SDK1: variants seen among roughly 807,000 people sequenced by gnomAD.
The protein encoded by SDK1 is protein sidekick-1.
Under a neutral mutation model 245.5 loss-of-function variants are expected in SDK1, and 157 were observed. The observed-to-expected ratio is 0.64, with a 90% CI of 0.56 to 0.73. The LOEUF is 0.73. Ranked by LOEUF, SDK1 falls within the 30% of genes least tolerant of loss-of-function variation. The pLI, the probability that SDK1 is intolerant of heterozygous loss-of-function variation, is 0.00. For synonymous variants in SDK1, 1,647 were observed against 1,278.5 expected (o/e 1.29, Z -6.15); for missense variants, 3,583 against 3,002.3 (o/e 1.19, Z -4.52).
intron 1 of SDK1, among the ~76,000 whole-genome samples, chr7:3,461,370 C>T (rs1324114921): frequency 6.6e-6 from 1 of 152,166 alleles, no homozygotes; most frequent in Admixed American, 6.6e-5. Context: ...AACCGTAACT[C>T]TGAGTGGTAT....
At chr7:4,072,093 A>G (rs1780291255) in intron 20 of SDK1, among the ~76,000 whole-genome samples, 1 of 152,238 alleles carries the variant, frequency 6.6e-6, no homozygotes, top group African/African-American at 2.4e-5. Context: ...TTCACCAGCT[A>G]ATGGGGCTTC....
At chr7:3,956,455 TG>T (rs1399276578) in intron 7 of SDK1, among the ~76,000 whole-genome samples, 2 of 152,080 alleles carry the variant, frequency 1.3e-5, no homozygotes, top group Non-Finnish European at 2.9e-5. Context: ...CCTCACACGG[TG>T]GGGAAGTACT....
At chr7:3,959,507 C>G (rs976300601) in intron 8 of SDK1, among the ~76,000 whole-genome samples, 3 of 152,216 alleles carry the variant, frequency 2.0e-5, no homozygotes, top group Non-Finnish European at 4.4e-5. Flanking sequence ...GAAGCCAAAG[C>G]TGGGAGTGCG....
At chr7:4,118,355 C>G (rs1374461937) in intron 25 of SDK1, among the ~76,000 whole-genome samples, 1 of 152,138 alleles carries the variant, frequency 6.6e-6, no homozygotes, top group Non-Finnish European at 1.5e-5. Flanking sequence ...TAGGGAAATG[C>G]AAATCTAAGC....
intron 17 of SDK1, among the ~76,000 whole-genome samples, chr7:4,034,912 C>A (rs918772250): frequency 5.3e-5 from 8 of 152,188 alleles, no homozygotes; most frequent in African/African-American, 1.9e-4. Context: ...AATCAGCATT[C>A]TCTGAATATA....
intron 5 of SDK1, among the ~76,000 whole-genome samples, chr7:3,895,899 T>A (rs1450924655): frequency 6.6e-6 from 1 of 152,212 alleles, no homozygotes; most frequent in African/African-American, 2.4e-5. Flanking sequence ...TCCAGATAAC[T>A]TTCTGTTACT....
chr7:3,690,254 C>G (rs1437591415), intron 4 of SDK1, among the ~76,000 whole-genome samples: 2 of 152,130 alleles, frequency 1.3e-5, no homozygotes, highest in African/African-American at 4.8e-5. Context: ...ACGATTAGCA[C>G]AAATCCAGAA....
intron 5 of SDK1, among the ~76,000 whole-genome samples, chr7:3,852,096 A>G (rs1049116879): frequency 6.6e-6 from 1 of 151,860 alleles, no homozygotes; most frequent in Non-Finnish European, 1.5e-5. Flanking sequence ...CTTTGTTGAC[A>G]GTCAAATTAG....
At position 3,821,674 on chromosome 7, in the gene SDK1, A is replaced by AT. The variant is rs1268201212; in HGVS notation, c.847+95dup. 12 of 1,415,674 alleles carry AT rather than the reference A, an allele frequency of 8.5e-6. No homozygotes were observed. In the African/African-American group the frequency reaches 1.7e-4, roughly 20 times the overall value. The allele number at this position is 1,415,674 out of a possible 1,614,324, so 87.7% of individuals were successfully genotyped here. A position where few individuals can be genotyped will look rare whatever the true frequency, so the allele number is the denominator to read the frequency against. ...TGTCTGACAGGACATTTTGCAATAAATTTTCTCTCTCTAGTGTAGTAGTTA... is the reference window on the plus strand; with the variant it reads ...TGTCTGACAGGACATTTTGCAATAAATTTTTCTCTCTCTAGTGTAGTAGTTA... On this transcript the variant is annotated intron_variant, in intron 5 of 44. Coordinates refer to ENST00000404826, the MANE Select transcript of SDK1 (RefSeq NM_152744.4).
chr7:4,155,683 T>C (rs1780684866), intron 30 of SDK1, among the ~76,000 whole-genome samples: 2 of 152,174 alleles, frequency 1.3e-5, no homozygotes, highest in South Asian at 4.1e-4. Flanking sequence ...ACAACACTGG[T>C]ATTTACGTGT....
At chr7:4,087,466 GAC>G (rs1357807004) in intron 22 of SDK1, among the ~76,000 whole-genome samples, 4 of 125,756 alleles carry the variant, frequency 3.2e-5, no homozygotes, top group South Asian at 5.6e-4. Context: ...TGTGTGCACA[GAC>G]ACACACGCGC....
chr7:4,123,328 A>AT (rs368795430), intron 25 of SDK1, among the ~76,000 whole-genome samples: 61 of 148,362 alleles, frequency 4.1e-4, no homozygotes, highest in Admixed American at 1.5e-3. Flanking sequence ...GTAGGTTTAC[A>AT]TTTTTTTTTT....
At chr7:3,455,672 G>T (rs1780644616) in intron 1 of SDK1, among the ~76,000 whole-genome samples, 1 of 152,054 alleles carries the variant, frequency 6.6e-6, no homozygotes, top group Non-Finnish European at 1.5e-5. Context: ...ACACAGTTTT[G>T]ATTATGGAGC....
At position 4,204,503 on chromosome 7, in the gene SDK1, G is replaced by A. The variant is rs191134387; in HGVS notation, c.5099-1376G>A. 5.9e-3 allele frequency among the ~76,000 whole-genome samples: 897 copies of A among 152,032 alleles called. 5 individuals are homozygous for A. The highest frequency in any genetic ancestry group is 0.02 in the African/African-American group (838 of 41,440). On this transcript the variant is annotated intron_variant, in intron 35 of 44. Transcript: ENST00000404826. Reference sequence around the variant, plus strand: ...TGGGTGTTAATTACTATTTTATTCTGCGCTGGGGGGAGAGAGCAGAAAGTG... The same window carrying A: ...TGGGTGTTAATTACTATTTTATTCTACGCTGGGGGGAGAGAGCAGAAAGTG...
At chr7:3,969,155 C>T (rs1782294847) in intron 10 of SDK1, 102 bp from the exon 11 acceptor site, 1 of 1,064,684 alleles carries the variant, frequency 9.4e-7, no homozygotes, top group East Asian at 2.8e-5. Context: ...TGGGTGGGGA[C>T]ACGGAGCCGA....
chr7:3,758,961 A>T (rs1033905838), intron 4 of SDK1, among the ~76,000 whole-genome samples: 1 of 152,198 alleles, frequency 6.6e-6, no homozygotes, highest in Non-Finnish European at 1.5e-5. Flanking sequence ...CATGGGGTTC[A>T]TTCTGTTTTC....
At chr7:3,733,695 G>C (rs557319080) in intron 4 of SDK1, among the ~76,000 whole-genome samples, 33 of 152,270 alleles carry the variant, frequency 2.2e-4, no homozygotes, top group Middle Eastern at 3.4e-3. Context: ...AAACACAGAT[G>C]TATGAAATAA....
intron 1 of SDK1, among the ~76,000 whole-genome samples, chr7:3,460,030 GA>G (rs1780786324): frequency 6.6e-6 from 1 of 152,132 alleles, no homozygotes; most frequent in Admixed American, 6.5e-5. Context: ...GTGATTTGGG[GA>G]TAAGTATTTA....
chr7:3,999,895 G>A (rs933289481), intron 14 of SDK1, among the ~76,000 whole-genome samples: 2 of 152,166 alleles, frequency 1.3e-5, no homozygotes, highest in African/African-American at 2.4e-5. Flanking sequence ...GGATGCCTGC[G>A]AGGGACAGAG....
Sources: allele counts gnomAD v4.1 joint callset (sites outside exome capture counted in the v4.1 genomes callset), GRCh38; gene constraint gnomAD v4.1.1; transcripts MANE v1.5; gene names NCBI Gene and HGNC (gene_info 2026-07-23, HGNC 2026-07-21).